The following IQANK1 variants were observed in gnomAD, a reference collection of about 807,000 sequenced individuals.
IQANK1 encodes IQ motif and ankyrin repeat domain-containing protein 1.
A neutral mutation model predicts 22.6 loss-of-function variants in IQANK1; 30 were observed. That is an observed-to-expected ratio of 1.33 (90% CI 0.99 to 1.80). IQANK1 has a LOEUF of 1.80. IQANK1 is among the 40% of genes most tolerant of loss of function. The probability of loss-of-function intolerance (pLI) is 0.00; values close to 1 mark genes in which losing one functional copy is unlikely to be tolerated. For missense variants in IQANK1, 275 were observed against 235.2 expected (o/e 1.17, Z -1.11); for synonymous variants, 122 against 99.6 (o/e 1.23, Z -1.34).
At chr8:143,760,487 G>A (rs1195151711) in intron 3 of IQANK1, 1 of 145,998 alleles carries the variant, frequency 6.8e-6, no homozygotes, top group Non-Finnish European at 1.5e-5. Context: ...ACCAGCCTGG[G>A]CAACATGGTG....
intron 3 of IQANK1, among the ~76,000 whole-genome samples, chr8:143,763,824 A>G (rs782443964): frequency 7.2e-5 from 11 of 152,216 alleles, no homozygotes; most frequent in Non-Finnish European, 1.2e-4. Flanking sequence ...AGACTAACAC[A>G]TTAGCCAATT....
intron 3 of IQANK1, among the ~76,000 whole-genome samples, chr8:143,754,364 C>T (rs1014434680): frequency 6.6e-6 from 1 of 152,228 alleles, no homozygotes; most frequent in African/African-American, 2.4e-5. Flanking sequence ...GGCTGAGCAC[C>T]TCTCCCAGGG....
intron 2 of IQANK1, among the ~76,000 whole-genome samples, chr8:143,739,151 G>T (rs1332554040): frequency 6.6e-6 from 1 of 152,220 alleles, no homozygotes; most frequent in African/African-American, 2.4e-5. Context: ...GGCCTGACTG[G>T]ATCAGAGCTG....
chr8:143,768,348 C>A (rs1173947768), intron 3 of IQANK1, among the ~76,000 whole-genome samples: 1 of 152,014 alleles, frequency 6.6e-6, no homozygotes, highest in Non-Finnish European at 1.5e-5. Context: ...CTGCTTGTGA[C>A]GTTGCCCTCG....
At chr8:143,787,796 C>T (rs564863593) in intron 7 of IQANK1, among the ~76,000 whole-genome samples, 4 of 152,148 alleles carry the variant, frequency 2.6e-5, no homozygotes, top group Non-Finnish European at 5.9e-5. Flanking sequence ...CGCCACAAAC[C>T]CCTTGCTCTG....
At position 143,789,984 on chromosome 8, in the gene IQANK1, G is replaced by A. The variant is rs927917088; in HGVS notation, c.1209G>A (p.Ala403=). 74 of 1,231,952 alleles carry A rather than the reference G, an allele frequency of 6.0e-5. No individual in the cohort carries two copies. Among genetic ancestry groups the A allele is most frequent in the Admixed American group, 3.0e-4 (7 of 23,712 alleles). 76.3% of individuals were successfully genotyped at this position (1,231,952 alleles called of 1,614,324 possible). A position where few individuals can be genotyped will look rare whatever the true frequency, so the allele number is the denominator to read the frequency against. ...REQTQEGEEE[A]PGLKCQVTEL... ...CTACCCCGACAGGGGAGGAAGAGGC[G>A]CCTGGGCTGAAGTGCCAGGTCACCG... Residue 403 remains alanine, a synonymous_variant, in exon 12 of 14, where the codon GCG becomes GCA. Transcript: ENST00000527139.
chr8:143,735,838 C>T lies in IQANK1; in HGVS notation c.-4-12C>T, dbSNP rs1465986933. The stretch of plus-strand genomic sequence containing the variant: ...GCACCCTCTCCCTGGTCCTTCCCTA[C>T]CCACCCCCCAGGAGAATGGACAGTA... On this transcript the variant is annotated splice_polypyrimidine_tract_variant and intron_variant, in intron 1 of 13. Transcript: ENST00000527139. This position sits in a 1 kb window ranked among gnomAD's most constrained non-coding sequence, Gnocchi z 5.2. 2 of 702,444 alleles carry T rather than the reference C, an allele frequency of 2.8e-6. No homozygotes were observed. The allele number at this position is 702,444 out of a possible 1,614,324, so 43.5% of individuals were successfully genotyped here.
rs1280435505 is a variant in IQANK1 at position 143,771,438 on chromosome 8, G to A, written c.176-50G>A. 18 of 396,640 alleles carry A rather than the reference G, an allele frequency of 4.5e-5. No individual in the cohort carries two copies. The highest frequency in any genetic ancestry group is 3.7e-4 in the African/African-American group (18 of 48,608). The allele number at this position is 396,640 out of a possible 1,614,324, so 24.6% of individuals were successfully genotyped here. ...CGGCTCCACTCCCAGGGGCGCAGCAGGCGTGGCTGGAGGCGAGAACGCGCC... is the reference window on the plus strand; with the variant it reads ...CGGCTCCACTCCCAGGGGCGCAGCAAGCGTGGCTGGAGGCGAGAACGCGCC... On this transcript the variant is annotated intron_variant, in intron 3 of 13. Transcript: ENST00000527139. The surrounding 1 kb of genome is among the most constrained non-coding windows in gnomAD (Gnocchi z 6.0).
chr8:143,771,581 G>A lies in IQANK1; in HGVS notation c.269G>A (p.Arg90Gln), dbSNP rs528549777. Residue 90 changes from arginine (R) to glutamine (Q), a missense_variant, in exon 4 of 14, where the codon CGG becomes CAG. Transcript: ENST00000527139. The surrounding 1 kb of genome is among the most constrained non-coding windows in gnomAD (Gnocchi z 6.0). ...RELARRREER[R>Q]EYLEQMETPQ... ...CTCGCCCGCCGCCGGGAGGAGCGCC[G>A]GGAGTACCTGGAGCAGATGGAGACG... 1.0e-5 allele frequency: 4 copies of A among 398,236 alleles called. No homozygotes were observed. Among genetic ancestry groups the A allele is most frequent in the East Asian group, 3.6e-5 (1 of 28,022 alleles). 24.7% of individuals were successfully genotyped at this position (398,236 alleles called of 1,614,324 possible). A position where few individuals can be genotyped will look rare whatever the true frequency, so the allele number is the denominator to read the frequency against.
chr8:143,741,995 C>T (rs1314381818), intron 3 of IQANK1: 1 of 252,716 alleles, frequency 4.0e-6, no homozygotes, highest in Non-Finnish European at 8.0e-6. Context: ...GCCACTCTGC[C>T]CCGGGGCCTG....
At chr8:143,761,167 G>T (rs1819388817) in intron 3 of IQANK1, among the ~76,000 whole-genome samples, 1 of 152,220 alleles carries the variant, frequency 6.6e-6, no homozygotes, top group Admixed American at 6.5e-5. Context: ...GGAGCCGCGC[G>T]CCCGAGAAGG....
intron 3 of IQANK1, among the ~76,000 whole-genome samples, chr8:143,764,142 C>T (rs1819444043): frequency 6.6e-6 from 1 of 152,036 alleles, no homozygotes. Context: ...GGAGGGCCCG[C>T]CGGAAGGACT....
intron 3 of IQANK1, among the ~76,000 whole-genome samples, chr8:143,740,904 G>T (rs1218296651): frequency 6.6e-6 from 1 of 152,278 alleles, no homozygotes; most frequent in African/African-American, 2.4e-5. Flanking sequence ...CCCGTGGTAT[G>T]TCAGTGGTGG....
At chr8:143,753,293 T>A (rs1477145846) in intron 3 of IQANK1, among the ~76,000 whole-genome samples, 2 of 151,984 alleles carry the variant, frequency 1.3e-5, no homozygotes, top group Non-Finnish European at 2.9e-5. Flanking sequence ...GGATTACAGG[T>A]GTGAGCCACC....
intron 3 of IQANK1, chr8:143,741,888 T>G (rs141063336): frequency 1.2e-3 from 196 of 165,608 alleles, no homozygotes; most frequent in African/African-American, 4.6e-3. Context: ...TCTGGTGATC[T>G]GTAAAGAGGG....
intron 7 of IQANK1, among the ~76,000 whole-genome samples, chr8:143,786,270 C>T (rs1266827937): frequency 6.6e-6 from 1 of 152,200 alleles, no homozygotes; most frequent in Admixed American, 6.5e-5. Flanking sequence ...TACCAGCGGT[C>T]TGGAGTCACT....
At chr8:143,770,026 G>C (rs1212393604) in intron 3 of IQANK1, among the ~76,000 whole-genome samples, 1 of 152,156 alleles carries the variant, frequency 6.6e-6, no homozygotes, top group Non-Finnish European at 1.5e-5. Context: ...TGCCGGAACC[G>C]GGGAAGTGGA....
At chr8:143,766,374 GAACT>G (rs1303956960) in intron 3 of IQANK1, among the ~76,000 whole-genome samples, 1 of 152,070 alleles carries the variant, frequency 6.6e-6, no homozygotes, top group Non-Finnish European at 1.5e-5. Context: ...CTCGTGAATA[GAACT>G]AACTGATTTT....
chr8:143,739,943 CCACAGGTGAGAGCCCG>C lies in IQANK1; in HGVS notation c.174_175+14del. ...GCGTCGGCTGAGAGCCCACAGGCCC[CCACAGGTGAGAGCCCG>C]CACGTCCCGCGCCGCTGTGGGTGAC... On this transcript the variant is annotated splice_donor_variant and splice_donor_5th_base_variant and coding_sequence_variant and intron_variant, in exon 3 of 14. Transcript: ENST00000527139. LOFTEE classifies it high-confidence loss of function. 1 of 696,282 alleles carries C rather than the reference CCACAGGTGAGAGCCCG, an allele frequency of 1.4e-6. No homozygotes were observed. Among genetic ancestry groups the C allele is most frequent in the Non-Finnish European group, 2.6e-6 (1 of 381,724 alleles). 43.1% of individuals were successfully genotyped at this position (696,282 alleles called of 1,614,324 possible).
Sources: allele counts gnomAD v4.1 joint callset (sites outside exome capture counted in the v4.1 genomes callset), GRCh38; gene constraint gnomAD v4.1.1; non-coding constraint Gnocchi (gnomAD v3.1); transcripts MANE v1.5; gene names NCBI Gene and HGNC (gene_info 2026-07-23, HGNC 2026-07-21).